Variants in BCKDHB observed in about 807,000 individuals in gnomAD.
BCKDHB encodes 2-oxoisovalerate dehydrogenase subunit beta, mitochondrial.
In BCKDHB, 41 loss-of-function variants were observed where a neutral mutation model predicts 48.5. The observed-to-expected ratio is 0.85, with a 90% CI of 0.66 to 1.10. The LOEUF is 1.10. BCKDHB is among the 50% of genes least tolerant of loss of function. The pLI, the probability that BCKDHB is intolerant of heterozygous loss-of-function variation, is 0.00. For synonymous variants in BCKDHB, 201 were observed against 174.8 expected (o/e 1.15, Z -1.18); for missense variants, 496 against 494.2 (o/e 1.00, Z -0.03).
At chr6:80,408,496 T>A in the BCKDHB span, among the ~76,000 whole-genome samples, 1 of 152,168 alleles carries the variant, frequency 6.6e-6, no homozygotes, top group Non-Finnish European at 1.5e-5. Context: ...TGGACTTTTT[T>A]TGGTTGTTAG....
chr6:80,340,680 G>A (rs1049785553), intron 9 of BCKDHB, among the ~76,000 whole-genome samples: 1 of 152,154 alleles, frequency 6.6e-6, no homozygotes, highest in Admixed American at 6.5e-5. Flanking sequence ...AGGGCACATG[G>A]TTGCTATGGT....
intron 8 of BCKDHB, among the ~76,000 whole-genome samples, chr6:80,210,135 C>CAAAAAAAAAAAAAAAAAAAAAA (rs61476553): frequency 8.8e-6 from 1 of 113,010 alleles, no homozygotes; most frequent in African/African-American, 3.3e-5. Context: ...AAGAAATATA[C>CAAAAAAAAAAAAAAAAAAAAAA]AAAAAAAAAA....
At chr6:80,447,208 A>C in the BCKDHB span, among the ~76,000 whole-genome samples, 1 of 152,204 alleles carries the variant, frequency 6.6e-6, no homozygotes, top group Non-Finnish European at 1.5e-5. Context: ...CCATTTTCTT[A>C]TCTGCCAAAT....
chr6:80,394,441 T>G, the BCKDHB span, among the ~76,000 whole-genome samples: 11 of 146,282 alleles, frequency 7.5e-5, no homozygotes, highest in African/African-American at 1.3e-4. Context: ...TGAGTTATTG[T>G]TTTTTTTTTG....
intron 2 of BCKDHB, 72 bp downstream of exon 2, chr6:80,127,696 A>T: frequency 7.5e-7 from 1 of 1,329,062 alleles, no homozygotes. Flanking sequence ...TAAAATATTT[A>T]TGTGGAGCTC....
chr6:80,197,070 A>T (rs971712611), intron 6 of BCKDHB, among the ~76,000 whole-genome samples: 1 of 152,164 alleles, frequency 6.6e-6, no homozygotes, highest in African/African-American at 2.4e-5. Flanking sequence ...CTTCTGTGAA[A>T]ATAGGAATCT....
At position 80,119,359 on chromosome 6, in the gene BCKDHB, C is replaced by T. The variant is rs139267517; in HGVS notation, c.197-8188C>T. Among the ~76,000 whole-genome samples, 1,335 of 152,254 alleles carry T rather than the reference C, an allele frequency of 8.8e-3. 88 individuals carry two copies. The highest frequency in any genetic ancestry group is 0.08 in the Admixed American group (1,219 of 15,290). ...TTTGAGACAGAGTCTCACTCTGTCA[C>T]GCAGGCTGGAGTGCAGTGGCATAAT... On this transcript the variant is annotated intron_variant, in intron 1 of 9. Coordinates refer to ENST00000320393, the MANE Select transcript of BCKDHB (RefSeq NM_183050.4).
chr6:80,429,646 G>C, the BCKDHB span, among the ~76,000 whole-genome samples: 1 of 152,170 alleles, frequency 6.6e-6, no homozygotes, highest in Non-Finnish European at 1.5e-5. Context: ...TTGTGAATGG[G>C]AGCTCACTCA....
intron 9 of BCKDHB, among the ~76,000 whole-genome samples, chr6:80,335,947 G>C (rs1254533727): frequency 1.3e-5 from 2 of 151,948 alleles, no homozygotes; most frequent in African/African-American, 4.8e-5. Context: ...AAATATTTAA[G>C]TATGGTCTCT....
the BCKDHB span, among the ~76,000 whole-genome samples, chr6:80,379,035 C>T: frequency 6.6e-6 from 1 of 152,070 alleles, no homozygotes; most frequent in Non-Finnish European, 1.5e-5. Context: ...TACTACCAAT[C>T]TTGCTGAAAC....
At chr6:80,331,346 A>G (rs1279428623) in intron 9 of BCKDHB, among the ~76,000 whole-genome samples, 1 of 152,224 alleles carries the variant, frequency 6.6e-6, no homozygotes, top group East Asian at 1.9e-4. Flanking sequence ...TAAAGACAGC[A>G]TATATTTCTT....
intron 6 of BCKDHB, among the ~76,000 whole-genome samples, chr6:80,183,910 G>A (rs1773525256): frequency 6.6e-6 from 1 of 152,018 alleles, no homozygotes; most frequent in Non-Finnish European, 1.5e-5. Flanking sequence ...GTCTTTTCAT[G>A]GCTTGATAAC....
intron 8 of BCKDHB, among the ~76,000 whole-genome samples, chr6:80,214,641 G>C (rs906243089): frequency 6.6e-6 from 1 of 152,136 alleles, no homozygotes; most frequent in African/African-American, 2.4e-5. Flanking sequence ...CAAGTTTCAT[G>C]GTTAATACCA....
At chr6:80,126,634 C>T (rs994824432) in intron 1 of BCKDHB, among the ~76,000 whole-genome samples, 9 of 151,982 alleles carry the variant, frequency 5.9e-5, no homozygotes, top group East Asian at 1.9e-4. Context: ...GCCTTTCGAT[C>T]GGGAGATTTA....
chr6:80,192,966 G>C lies in BCKDHB; in HGVS notation c.743-7968G>C, dbSNP rs147259376. Reference sequence around the variant, plus strand: ...CCCGAGTAGCTGGGATTACAGGCACGTGCCACCATGCCTGGCTAATTTTTT... The same window carrying C: ...CCCGAGTAGCTGGGATTACAGGCACCTGCCACCATGCCTGGCTAATTTTTT... On this transcript the variant is annotated intron_variant, in intron 6 of 9. Coordinates refer to ENST00000320393, the MANE Select transcript of BCKDHB (RefSeq NM_183050.4). Among the ~76,000 whole-genome samples the C allele has an allele frequency of 1.6e-3, 247 of 151,856 alleles. 1 individual carries two copies. The highest frequency in any genetic ancestry group is 5.7e-3 in the African/African-American group (238 of 41,408).
chr6:80,251,034 C>T (rs1776817076), intron 8 of BCKDHB, among the ~76,000 whole-genome samples: 1 of 152,106 alleles, frequency 6.6e-6, no homozygotes, highest in Admixed American at 6.6e-5. Context: ...GATTAGGATT[C>T]TTGTTTGGCT....
the BCKDHB span, among the ~76,000 whole-genome samples, chr6:80,359,864 A>G: frequency 6.6e-6 from 1 of 152,222 alleles, no homozygotes; most frequent in Non-Finnish European, 1.5e-5. Context: ...TGCTGGGATT[A>G]CAGGTGTGAG....
At chr6:80,252,945 A>G (rs1776896881) in intron 8 of BCKDHB, among the ~76,000 whole-genome samples, 1 of 152,162 alleles carries the variant, frequency 6.6e-6, no homozygotes, top group Admixed American at 6.6e-5. Context: ...CAGCATCATA[A>G]TGATTATCAT....
intron 1 of BCKDHB, among the ~76,000 whole-genome samples, chr6:80,107,475 G>GCA (rs1769152185): frequency 7.8e-6 from 1 of 128,398 alleles, no homozygotes; most frequent in Non-Finnish European, 1.5e-5. Flanking sequence ...ATATATGTGT[G>GCA]GATATATATA....
Sources: allele counts gnomAD v4.1 joint callset (sites outside exome capture counted in the v4.1 genomes callset), GRCh38; gene constraint gnomAD v4.1.1; transcripts MANE v1.5; gene names NCBI Gene and HGNC (gene_info 2026-07-23, HGNC 2026-07-21).